CTNNA2: variants seen among roughly 807,000 people sequenced by gnomAD.
CTNNA2 encodes the protein catenin alpha-2.
In CTNNA2, 42 loss-of-function variants were observed where a neutral mutation model predicts 101.0. The ratio of observed to expected loss-of-function variants is 0.42; its 90% CI spans 0.32 to 0.54. CTNNA2 has a LOEUF of 0.54. Ranked by LOEUF, CTNNA2 falls within the 20% of genes least tolerant of loss-of-function variation. CTNNA2 has a pLI of 0.14. For synonymous variants in CTNNA2, 450 were observed against 456.4 expected, an observed-to-expected ratio of 0.99 and a Z score of 0.18; for missense variants, 871 against 1,223.1, an observed-to-expected ratio of 0.71 and a Z score of 4.29.
chr2:79,787,473 A>C (rs1674936993), intron 3 of CTNNA2, among the ~76,000 whole-genome samples: 1 of 152,168 alleles, frequency 6.6e-6, no homozygotes, highest in African/African-American at 2.4e-5. Flanking sequence ...GTTAATTTAA[A>C]AAAAATTATA....
At chr2:79,448,668 A>C (rs561986397) in intron 4 of CTNNA2, among the ~76,000 whole-genome samples, 42 of 152,148 alleles carry the variant, frequency 2.8e-4, no homozygotes, top group African/African-American at 1.0e-3. Context: ...AAAGTCTAGA[A>C]ATACATAAGA....
chr2:79,862,176 G>A (rs1186013525), intron 4 of CTNNA2, among the ~76,000 whole-genome samples: 1 of 152,154 alleles, frequency 6.6e-6, no homozygotes, highest in African/African-American at 2.4e-5. Context: ...GCTAGATCCT[G>A]GGATAATAAT....
chr2:79,988,476 G>A (rs199943398), intron 7 of CTNNA2, among the ~76,000 whole-genome samples: 2 of 45,810 alleles, frequency 4.4e-5, no homozygotes, highest in Non-Finnish European at 1.0e-4. Context: ...ATGTGTGTGT[G>A]TGTGTGTGTG....
chr2:80,237,532 G>A (rs939440683), intron 7 of CTNNA2, among the ~76,000 whole-genome samples: 2 of 152,082 alleles, frequency 1.3e-5, no homozygotes, highest in African/African-American at 4.8e-5. Flanking sequence ...ATAGTAGTAG[G>A]AGAGGTACTC....
intron 7 of CTNNA2, among the ~76,000 whole-genome samples, chr2:80,041,140 TG>T (rs922700208): frequency 3.0e-4 from 46 of 152,260 alleles, no homozygotes; most frequent in Admixed American, 2.7e-3. Context: ...TGATACGTAC[TG>T]TGGCTGAGAA....
chr2:80,585,493 G>A (rs1209412476), intron 14 of CTNNA2, among the ~76,000 whole-genome samples: 2 of 152,018 alleles, frequency 1.3e-5, no homozygotes, highest in African/African-American at 4.8e-5. Context: ...ACCTGTCCTG[G>A]GTAATCATAT....
At chr2:79,228,196 A>T (rs1051324950) in intron 2 of CTNNA2, among the ~76,000 whole-genome samples, 5 of 152,214 alleles carry the variant, frequency 3.3e-5, no homozygotes, top group Non-Finnish European at 7.3e-5. Flanking sequence ...TGCTATTGTG[A>T]ATAGTGCTGC....
chr2:79,357,138 G>A (rs1253811013), intron 3 of CTNNA2, among the ~76,000 whole-genome samples: 1 of 152,140 alleles, frequency 6.6e-6, no homozygotes, highest in Non-Finnish European at 1.5e-5. Flanking sequence ...ACCAGTCTGG[G>A]CAACATAGCA....
chr2:79,658,779 C>A (rs1462727648), intron 2 of CTNNA2, among the ~76,000 whole-genome samples: 1 of 151,740 alleles, frequency 6.6e-6, no homozygotes, highest in African/African-American at 2.4e-5. Context: ...TCTAAAGTAG[C>A]CAAATAGGGA....
intron 3 of CTNNA2, among the ~76,000 whole-genome samples, chr2:79,336,668 G>T (rs1677001003): frequency 6.6e-6 from 1 of 152,102 alleles, no homozygotes; most frequent in African/African-American, 2.4e-5. Flanking sequence ...CTACAGGTGG[G>T]ATCCCCAATT....
At chr2:79,981,883 C>T (rs541942983) in intron 7 of CTNNA2, among the ~76,000 whole-genome samples, 4 of 151,890 alleles carry the variant, frequency 2.6e-5, no homozygotes, top group East Asian at 1.9e-4. Context: ...AACCTGGATC[C>T]GTAACCCAGA....
chr2:79,799,380 A>C (rs982386025), intron 3 of CTNNA2, among the ~76,000 whole-genome samples: 2 of 152,110 alleles, frequency 1.3e-5, no homozygotes, highest in Non-Finnish European at 2.9e-5. Context: ...TGGCCTCCAC[A>C]GATGCAGACT....
At chr2:80,577,587 G>A (rs1453897578) in intron 13 of CTNNA2, among the ~76,000 whole-genome samples, 1 of 152,018 alleles carries the variant, frequency 6.6e-6, no homozygotes, top group East Asian at 1.9e-4. Flanking sequence ...GAATGTATGG[G>A]GCAAGAGCAG....
At chr2:79,222,704 T>TC (rs1316540425) in intron 2 of CTNNA2, among the ~76,000 whole-genome samples, 6 of 151,796 alleles carry the variant, frequency 4.0e-5, no homozygotes, top group African/African-American at 4.8e-5. Context: ...TCTCTCTCTG[T>TC]TCTTATTATG....
At position 79,689,691 on chromosome 2, in the gene CTNNA2, A is replaced by G. The variant is rs570546180; in HGVS notation, c.102+38033A>G. On this transcript the variant is annotated intron_variant, in intron 2 of 18. Coordinates refer to ENST00000402739, the MANE Select transcript of CTNNA2 (RefSeq NM_001282597.3). ...ATTATATCTACAGGGGTATTTAAATATAATAGATCGATGTAATTATGCATT... is the reference window on the plus strand; with the variant it reads ...ATTATATCTACAGGGGTATTTAAATGTAATAGATCGATGTAATTATGCATT... Among the ~76,000 whole-genome samples the G allele has an allele frequency of 3.3e-5, 5 of 152,166 alleles. No homozygotes were observed. In the East Asian group the frequency reaches 9.7e-4, roughly 29 times the overall value.
chr2:79,348,849 C>G (rs1677321139), intron 3 of CTNNA2, among the ~76,000 whole-genome samples: 1 of 152,146 alleles, frequency 6.6e-6, no homozygotes, highest in Admixed American at 6.5e-5. Context: ...CCCCTCATCC[C>G]CCTGTACCCT....
intron 7 of CTNNA2, among the ~76,000 whole-genome samples, chr2:80,158,036 G>C (rs1558861226): frequency 1.3e-5 from 2 of 152,144 alleles, no homozygotes. Context: ...ATATGAAACT[G>C]ATCAATTAGG....
At chr2:80,288,734 T>G (rs542861062) in intron 7 of CTNNA2, 1 of 152,306 alleles carries the variant, frequency 6.6e-6, no homozygotes, top group African/African-American at 2.4e-5. Context: ...GCTCGATTTT[T>G]CTTCTTTTTT....
chr2:80,153,484 G>A (rs939623540), intron 7 of CTNNA2, among the ~76,000 whole-genome samples: 4 of 152,266 alleles, frequency 2.6e-5, no homozygotes, highest in Non-Finnish European at 5.9e-5. Flanking sequence ...ATTATGCCAG[G>A]CGTTGGCCTC....
Sources: allele counts gnomAD v4.1 joint callset (sites outside exome capture counted in the v4.1 genomes callset), GRCh38; gene constraint gnomAD v4.1.1; transcripts MANE v1.5; gene names NCBI Gene and HGNC (gene_info 2026-07-23, HGNC 2026-07-21).